The following GYS1 variants were observed in gnomAD, a reference collection of about 807,000 sequenced individuals.
GYS1 encodes glycogen [starch] synthase, muscle.
Under a neutral mutation model 89.1 loss-of-function variants are expected in GYS1, and 60 were observed. The observed-to-expected ratio is 0.67, with a 90% CI of 0.55 to 0.84. The LOEUF is 0.84. GYS1 is among the 40% of genes least tolerant of loss of function. The pLI is 0.00. For missense variants in GYS1, 888 were observed against 1,003.1 expected (o/e 0.89, Z 1.55); for synonymous variants, 366 against 401.7 (o/e 0.91, Z 1.06).
chr19:48,973,505 A>T (rs936843230), intron 12 of GYS1, among the ~76,000 whole-genome samples: 7 of 120,612 alleles, frequency 5.8e-5, no homozygotes, highest in Admixed American at 1.8e-4. Context: ...TTTAGCTTTA[A>T]TTTTTTTTTT....
chr19:48,986,322 G>A (rs182123427), intron 3 of GYS1, among the ~76,000 whole-genome samples: 1 of 152,160 alleles, frequency 6.6e-6, no homozygotes, highest in East Asian at 1.9e-4. Context: ...AGATTGGACA[G>A]ACTGAAGTTT....
chr19:48,981,571 G>T lies in GYS1; in HGVS notation c.1128C>A (p.Asn376Lys). The T allele has an allele frequency of 6.2e-7, 1 of 1,613,416 alleles. No homozygotes were observed. Among genetic ancestry groups the T allele is most frequent in the African/African-American group, 1.3e-5 (1 of 75,030 alleles). ...CAGCTTGGCCTTTGAGGGTTTCCAC[G>T]TTGAAATTGTTGGTCCGCGCTGGCA... is the stretch of plus-strand genomic sequence containing the variant. ...FIMPARTNNFNVETLKGQAVR... is the reference protein window; with the variant it reads ...FIMPARTNNFKVETLKGQAVR... Residue 376 changes from asparagine (N) to lysine (K), a missense_variant, in exon 8 of 16, where the codon AAC (asparagine) becomes AAA (lysine). Physicochemically the swap from Asn to Lys is moderately conservative, Grantham distance 94. Transcript: ENST00000323798.
intron 12 of GYS1, among the ~76,000 whole-genome samples, chr19:48,973,320 G>A (rs1265418379): frequency 8.8e-6 from 1 of 113,072 alleles, no homozygotes; most frequent in African/African-American, 4.1e-5. Context: ...AAATTACCCA[G>A]TCTTGGATTT....
chr19:48,971,650 G>T lies in GYS1; in HGVS notation c.1550-627C>A, dbSNP rs8110728. ...GCTCACTGCAACCTTCACCTCCCGG[G>T]TTCAAGCGATTTTCGTGCCTTAGCC... is the stretch of plus-strand genomic sequence containing the variant. On this transcript the variant is annotated intron_variant, in intron 12 of 15. Coordinates refer to ENST00000323798, the MANE Select transcript of GYS1 (RefSeq NM_002103.5). Among the ~76,000 whole-genome samples, 243 of 151,780 alleles carry T rather than the reference G, an allele frequency of 1.6e-3. 1 individual carries two copies. Among genetic ancestry groups the T allele is most frequent in the African/African-American group, 5.6e-3 (231 of 41,336 alleles).
In GYS1 at chr19:48,992,990, C is replaced by G. The variant is rs1380420564; in HGVS notation, c.118+5G>C. 6 of 1,553,426 alleles carry G rather than the reference C, an allele frequency of 3.9e-6. No individual in the cohort carries two copies. Among genetic ancestry groups the G allele is most frequent in the Non-Finnish European group, 5.3e-6 (6 of 1,124,686 alleles). On this transcript the variant is annotated splice_donor_5th_base_variant and intron_variant, in intron 1 of 15. Coordinates refer to ENST00000323798, the MANE Select transcript of GYS1 (RefSeq NM_002103.5). ...GTCAAGGGCCCCGACGCCTGGCGTG[C>G]TCACCCTTGTTAGCCACCTCCCAGG...
intron 14 of GYS1, 96 bp downstream of exon 14, chr19:48,970,450 T>G (rs1006130978): frequency 9.7e-7 from 1 of 1,026,128 alleles, no homozygotes; most frequent in Non-Finnish European, 1.5e-6. Context: ...GGACAGCAAC[T>G]GTTACAAGTA....
chr19:48,978,874 A>G (rs954731949), intron 8 of GYS1, among the ~76,000 whole-genome samples: 1 of 152,058 alleles, frequency 6.6e-6, no homozygotes, highest in Non-Finnish European at 1.5e-5. Context: ...CTGAGGTGTG[A>G]GCAGGGAAGC....
rs1318179540 is a variant in GYS1 at position 48,985,544 on chromosome 19, G to A, written c.740C>T (p.Ala247Val). 6.8e-6 allele frequency: 11 copies of A among 1,613,864 alleles called. No individual in the cohort carries two copies. The highest frequency in any genetic ancestry group is 3.3e-5 in the Admixed American group (2 of 60,004). ...GAAGACGTGAGCGCAGTGGGCTGCC[G>A]CCCTTTCCATGCAGTATCGGTGGTA... Reference protein sequence around the residue: ...QIYHRYCMERAAAHCAHVFTT... With the variant: ...QIYHRYCMERVAAHCAHVFTT... Residue 247 changes from alanine to valine, a missense_variant, in exon 5 of 16, where the codon GCG becomes GTG. By Grantham distance (64) the Ala-to-Val change is moderately conservative. Transcript: ENST00000323798.
rs962309866 is a variant in GYS1 at position 48,981,689 on chromosome 19, A to G, written c.1063-53T>C. The stretch of plus-strand genomic sequence containing the variant: ...CAGGATCATGTGGGGGAAGCCTGGA[A>G]CCAGCCAGCCTTTCTGTCAAGACCA... On this transcript the variant is annotated intron_variant, in intron 7 of 15. Coordinates refer to ENST00000323798, the MANE Select transcript of GYS1 (RefSeq NM_002103.5). 6.3e-5 allele frequency: 72 copies of G among 1,148,286 alleles called. No homozygotes were observed. The African/African-American group carries it at 1.0e-3, about 17-fold the overall frequency. 71.1% of individuals were successfully genotyped at this position (1,148,286 alleles called of 1,614,324 possible).
chr19:48,985,323 C>T (rs2038824577), intron 5 of GYS1, 138 bp downstream of exon 5: 1 of 847,372 alleles, frequency 1.2e-6, no homozygotes, highest in African/African-American at 1.7e-5. Flanking sequence ...AGGTGTGAGC[C>T]ACCATGCCCA....
rs776737199 is a variant in GYS1 at position 48,969,380 on chromosome 19, G to C, written c.2122C>G (p.Arg708Gly). 5.0e-5 allele frequency: 79 copies of C among 1,571,058 alleles called. No homozygotes were observed. Among genetic ancestry groups the C allele is most frequent in the Non-Finnish European group, 6.7e-5 (78 of 1,163,190 alleles). ...SCTSSTSGSK[R>G]NSVDTATSSS... ...GAGGTGGCCGTGTCCACAGAGTTGC[G>C]CTTGCTGCCGCTGGTGGAGGAGGTG... The change falls in exon 16 of 16, where the codon CGC (arginine) becomes GGC (glycine). Residue 708 changes from arginine to glycine, a missense_variant. Arg to Gly is a moderately radical substitution (Grantham distance 125). Coordinates refer to ENST00000323798, the MANE Select transcript of GYS1 (RefSeq NM_002103.5).
At position 48,981,541 on chromosome 19, in the gene GYS1, G is replaced by C; in HGVS notation, c.1158C>G (p.Arg386=). 6.2e-7 allele frequency: 1 copy of C among 1,605,960 alleles called. No homozygotes were observed. Among genetic ancestry groups the C allele is most frequent in the Non-Finnish European group, 8.5e-7 (1 of 1,172,602 alleles). ...NVETLKGQAV[R]KQLWDTANTV... ...CGAGGGCTGCTAACCAAAGCTGTTT[G>C]CGCACAGCTTGGCCTTTGAGGGTTT... Residue 386 remains arginine, a synonymous_variant, in exon 8 of 16, where the codon CGC becomes CGG. Transcript: ENST00000323798.
chr19:48,982,972 C>A, intron 5 of GYS1, 135 bp from the exon 6 acceptor site: 1 of 719,172 alleles, frequency 1.4e-6, no homozygotes, highest in Non-Finnish European at 2.5e-6. Flanking sequence ...GAGGTCCCCC[C>A]TCCCACCTTT....
chr19:48,969,184 C>G lies in GYS1; in HGVS notation c.*104G>C. The G allele has an allele frequency of 9.2e-7, 1 of 1,081,336 alleles. No individual in the cohort carries two copies. The highest frequency in any genetic ancestry group is 1.3e-6 in the Non-Finnish European group (1 of 758,790). 67.0% of individuals were successfully genotyped at this position (1,081,336 alleles called of 1,614,324 possible). A position where few individuals can be genotyped will look rare whatever the true frequency, so the allele number is the denominator to read the frequency against. ...GGACTGGGTGGGGGCACTGCGGGGC[C>G]ACACCCAGTGCAGATCTGGAGCGGG... On this transcript the variant is annotated 3_prime_UTR_variant, in exon 16 of 16. Transcript: ENST00000323798.
At chr19:48,970,218 G>C in intron 14 of GYS1, 1 of 443,702 alleles carries the variant, frequency 2.3e-6, no homozygotes, top group Non-Finnish European at 4.1e-6. Flanking sequence ...TCAACCTCCG[G>C]GGCTCAAGCG....
At chr19:48,992,937 C>T in intron 1 of GYS1, 58 bp downstream of exon 1, 1 of 985,364 alleles carries the variant, frequency 1.0e-6, no homozygotes, top group Non-Finnish European at 1.6e-6. Context: ...CTCAGAGTTC[C>T]GGGCCCCCAT....
rs2038824985 is a variant in GYS1 at position 48,985,345 on chromosome 19, T to A, written c.823+116A>T. 1.0e-5 allele frequency: 11 copies of A among 1,066,542 alleles called. No homozygotes were observed. In the Admixed American group the frequency reaches 1.3e-4, roughly 13 times the overall value. 66.1% of individuals were successfully genotyped at this position (1,066,542 alleles called of 1,614,324 possible). A position where few individuals can be genotyped will look rare whatever the true frequency, so the allele number is the denominator to read the frequency against. On this transcript the variant is annotated intron_variant, in intron 5 of 15. Coordinates refer to ENST00000323798, the MANE Select transcript of GYS1 (RefSeq NM_002103.5). ...AGCCACCATGCCCAGCCGAAATACG[T>A]TTTCGGTTTATGCTATTTCAACTTA...
chr19:48,981,337 C>T (rs1238128001), intron 8 of GYS1, 193 bp downstream of exon 8: 1 of 589,478 alleles, frequency 1.7e-6, no homozygotes, highest in Admixed American at 2.5e-5. Flanking sequence ...TGCTTGAACC[C>T]AGGAGGTGGA....
Position 48,991,545 on chromosome 19 carries a change from T to TGGGGG in GYS1, c.119-63_119-62insCCCCC. 1 of 1,149,044 alleles carries TGGGGG rather than the reference T, an allele frequency of 8.7e-7. No individual in the cohort carries two copies. Among genetic ancestry groups the TGGGGG allele is most frequent in the Non-Finnish European group, 1.3e-6 (1 of 794,332 alleles). 71.2% of individuals were successfully genotyped at this position (1,149,044 alleles called of 1,614,324 possible). ...AGGTCCATAGTTCTGGGGCCTGGGG[T>TGGGGG]GGGGTGGGCCGGGGATGTAGGGGGC... On this transcript the variant is annotated intron_variant, in intron 1 of 15. Coordinates refer to ENST00000323798, the MANE Select transcript of GYS1 (RefSeq NM_002103.5). The surrounding 1 kb of genome is among the most constrained non-coding windows in gnomAD (Gnocchi z 4.7).
Sources: allele counts gnomAD v4.1 joint callset (sites outside exome capture counted in the v4.1 genomes callset), GRCh38; gene constraint gnomAD v4.1.1; non-coding constraint Gnocchi (gnomAD v3.1); transcripts MANE v1.5; gene names NCBI Gene and HGNC (gene_info 2026-07-23, HGNC 2026-07-21).